IKBIP: variants seen among roughly 807,000 people sequenced by gnomAD.
The protein encoded by IKBIP is IKBKB interacting protein, also known as inhibitor of nuclear factor kappa-B kinase-interacting protein.
In IKBIP, 28 loss-of-function variants were observed where a neutral mutation model predicts 31.0. That is an observed-to-expected ratio of 0.90 (90% CI 0.67 to 1.24). The LOEUF (loss-of-function observed/expected upper bound fraction) is 1.24. Ranked by LOEUF, IKBIP falls within the 50% of genes most tolerant of loss-of-function variation. IKBIP has a pLI of 0.00. For synonymous variants in IKBIP, 164 were observed against 160.3 expected (o/e 1.02, Z -0.17); for missense variants, 453 against 441.9 (o/e 1.03, Z -0.23).
At chr12:98,619,836 C>A (rs916684131), downstream of IKBIP, among the ~76,000 whole-genome samples, 1 of 140,568 alleles carries the variant, frequency 7.1e-6, no homozygotes, top group East Asian at 2.1e-4. Context: ...CATGCCACTG[C>A]ACTCCAGTCT....
Position 98,641,477 on chromosome 12 carries a change from T to A in IKBIP, c.179+3046A>T, listed in dbSNP as rs761758476. On this transcript the variant is annotated intron_variant, in intron 1 of 2. Transcript: ENST00000299157. ...ATACTTGCTTTTTATCTGGAAAATG[T>A]TTACAAATGTCTTATGGGGATATAT... 2.1e-3 allele frequency among the ~76,000 whole-genome samples: 319 copies of A among 152,370 alleles called. 1 individual carries two copies. Among genetic ancestry groups the A allele is most frequent in the Non-Finnish European group, 3.2e-3 (217 of 68,034 alleles).
At chr12:98,641,573 T>A (rs2097630471) in intron 1 of IKBIP, among the ~76,000 whole-genome samples, 1 of 152,202 alleles carries the variant, frequency 6.6e-6, no homozygotes. Flanking sequence ...TGCTTCAATT[T>A]TTGCAGCAAA....
chr12:98,634,049 T>G (rs1262291403), intron 2 of IKBIP, among the ~76,000 whole-genome samples: 1 of 152,190 alleles, frequency 6.6e-6, no homozygotes, highest in Non-Finnish European at 1.5e-5. Flanking sequence ...ATTAACATCA[T>G]GCTAATATGA....
At position 98,626,492 on chromosome 12, in the gene IKBIP, G is replaced by T; in HGVS notation, c.572C>A (p.Ala191Asp). The T allele has an allele frequency of 1.2e-6, 2 of 1,613,414 alleles. No homozygotes were observed. Among genetic ancestry groups the T allele is most frequent in the Non-Finnish European group, 1.7e-6 (2 of 1,179,996 alleles). The part of the protein sequence containing the change: ...HSQVTVQINS[A>D]EQEIKLLTER... Reference sequence around the variant, plus strand: ...AGTGAGCAATTTTATTTCCTGCTCAGCTGAGTTAATTTGGACAGTTACTTG... The same window carrying T: ...AGTGAGCAATTTTATTTCCTGCTCATCTGAGTTAATTTGGACAGTTACTTG... Residue 191 changes from alanine to aspartate, a missense_variant, in exon 3 of 3, where the codon GCT becomes GAT. By Grantham distance (126) the Ala-to-Asp change is moderately radical. Coordinates refer to ENST00000299157, the MANE Select transcript of IKBIP (RefSeq NM_153687.4).
chr12:98,618,689 C>T (rs1036340241), intron 2 of IKBIP, among the ~76,000 whole-genome samples: 9 of 151,708 alleles, frequency 5.9e-5, no homozygotes, highest in Admixed American at 1.3e-4. Context: ...TCTTGAACTC[C>T]TGGCTCAAGT....
intron 1 of IKBIP, among the ~76,000 whole-genome samples, chr12:98,635,758 T>C (rs2097625239): frequency 6.6e-6 from 1 of 152,162 alleles, no homozygotes; most frequent in Admixed American, 6.5e-5. Flanking sequence ...AGAGAAGTGA[T>C]AGTAATTAGA....
At chr12:98,613,581 C>T in exon 3 of IKBIP, 25 of 1,434,696 alleles carry the variant, frequency 1.7e-5, no homozygotes, top group Non-Finnish European at 2.4e-5. Flanking sequence ...TCAATAATGT[C>T]AAACTAATTC....
chr12:98,628,188 G>T (rs548352493), intron 2 of IKBIP, among the ~76,000 whole-genome samples: 1 of 152,202 alleles, frequency 6.6e-6, no homozygotes, highest in African/African-American at 2.4e-5. Flanking sequence ...TTGTTTAATC[G>T]ACGAGAAAGA....
In IKBIP at chr12:98,625,207, C is replaced by A. The variant is rs2097613175; in HGVS notation, c.*723G>T. On this transcript the variant is annotated 3_prime_UTR_variant, in exon 3 of 3. Transcript: ENST00000299157. ...TAAAGATATTTCAAAGATTTATATA[C>A]ACATAATTCCTAAGAAAGGCCTTAT... 1 of 979,980 alleles carries A rather than the reference C, an allele frequency of 1.0e-6. No individual in the cohort carries two copies. The highest frequency in any genetic ancestry group is 1.7e-5 in the African/African-American group (1 of 57,242). 60.7% of individuals were successfully genotyped at this position (979,980 alleles called of 1,614,324 possible).
At chr12:98,639,094 G>A (rs1338466057) in intron 1 of IKBIP, among the ~76,000 whole-genome samples, 1 of 152,092 alleles carries the variant, frequency 6.6e-6, no homozygotes, top group Non-Finnish European at 1.5e-5. Flanking sequence ...AGGCTGAAGT[G>A]CAGTGGTGTG....
chr12:98,633,305 G>A (rs1434048796), intron 2 of IKBIP, among the ~76,000 whole-genome samples: 1 of 152,100 alleles, frequency 6.6e-6, no homozygotes, highest in Non-Finnish European at 1.5e-5. Context: ...AGCTGACTTT[G>A]ACTTTCTCCT....
At chr12:98,635,129 C>A (rs1430656058) in intron 1 of IKBIP, among the ~76,000 whole-genome samples, 1 of 152,038 alleles carries the variant, frequency 6.6e-6, no homozygotes, top group African/African-American at 2.4e-5. Context: ...CTCAGCCTCC[C>A]AAGTAGCTGG....
At chr12:98,620,870 G>A (rs964467768), downstream of IKBIP, among the ~76,000 whole-genome samples, 1 of 151,658 alleles carries the variant, frequency 6.6e-6, no homozygotes, top group African/African-American at 2.4e-5. Context: ...ATTAAAAAAA[G>A]GGTAAATAAG....
chr12:98,622,478 C>T (rs980517477), downstream of IKBIP, among the ~76,000 whole-genome samples: 3 of 152,130 alleles, frequency 2.0e-5, no homozygotes, highest in African/African-American at 7.2e-5. Flanking sequence ...GCAGTGCTCA[C>T]GCCACTACAC....
chr12:98,637,471 C>T (rs975939046), intron 1 of IKBIP, among the ~76,000 whole-genome samples: 17 of 149,742 alleles, frequency 1.1e-4, no homozygotes, highest in African/African-American at 3.4e-4. Context: ...TGCAGTGGCA[C>T]GATTTTGGCT....
chr12:98,635,995 C>T (rs1488115013), intron 1 of IKBIP, among the ~76,000 whole-genome samples: 1 of 152,192 alleles, frequency 6.6e-6, no homozygotes, highest in African/African-American at 2.4e-5. Context: ...AACAACAAAT[C>T]AACATCTGTT....
chr12:98,633,113 C>T (rs1245081727), intron 2 of IKBIP, among the ~76,000 whole-genome samples: 1 of 152,186 alleles, frequency 6.6e-6, no homozygotes, highest in African/African-American at 2.4e-5. Context: ...GACTTAGATG[C>T]TCCATTTCAT....
At chr12:98,619,145 A>G (rs2097608151) in intron 2 of IKBIP, among the ~76,000 whole-genome samples, 1 of 152,254 alleles carries the variant, frequency 6.6e-6, no homozygotes, top group Admixed American at 6.5e-5. Context: ...ATTAAGCGGT[A>G]GCCACAAATA....
In IKBIP at chr12:98,634,370, G is replaced by A. The variant is rs760738001; in HGVS notation, c.223C>T (p.Gln75Ter). The change falls in exon 2 of 3, where the codon CAA (glutamine) becomes TAA (stop). Residue 75 changes from glutamine (Q) to a stop codon, truncating the protein, a stop_gained. Transcript: ENST00000299157. LOFTEE classifies it high-confidence loss of function. Reference protein sequence around the residue: ...QSEKFAKVENQYQLLKLETNE... With the variant: ...QSEKFAKVEN ...GTTTCTAGTTTCAGTAACTGGTATT[G>A]GTTTTCCACCTTTGCAAATTTTTCT... 1 of 1,605,464 alleles carries A rather than the reference G, an allele frequency of 6.2e-7. No homozygotes were observed. Among genetic ancestry groups the A allele is most frequent in the Non-Finnish European group, 8.5e-7 (1 of 1,173,502 alleles).
Sources: allele counts gnomAD v4.1 joint callset (sites outside exome capture counted in the v4.1 genomes callset), GRCh38; gene constraint gnomAD v4.1.1; transcripts MANE v1.5; gene names NCBI Gene and HGNC (gene_info 2026-07-23, HGNC 2026-07-21).